SCN1A: variants seen among roughly 807,000 people sequenced by gnomAD.
The protein encoded by SCN1A is sodium voltage-gated channel alpha subunit 1.
SCN1A carries 13 observed loss-of-function variants against 193.7 expected under a neutral mutation model. That is an observed-to-expected ratio of 0.07 (90% confidence interval 0.04 to 0.11). SCN1A has a LOEUF of 0.11. Ranked by LOEUF, SCN1A falls within the 10% of genes least tolerant of loss-of-function variation. The pLI is 1.00. For missense variants in SCN1A, 1,432 were observed against 2,451.1 expected (o/e 0.58, Z 8.78); for synonymous variants, 781 against 843.6 (o/e 0.93, Z 1.29).
intron 23 of SCN1A, among the ~76,000 whole-genome samples, chr2:166,009,191 C>T (rs1452845642): frequency 1.3e-5 from 2 of 151,014 alleles, no homozygotes; most frequent in African/African-American, 4.8e-5. Flanking sequence ...TCAGTCAACA[C>T]TTAATATCTA....
upstream of SCN1A, among the ~76,000 whole-genome samples, chr2:166,132,163 G>A (rs141250024): frequency 1.8e-4 from 27 of 152,220 alleles, no homozygotes; most frequent in South Asian, 3.7e-3. Context: ...TGATGAAGTC[G>A]GGGAGTGATC....
chr2:166,047,965 C>T (rs1360963437), intron 10 of SCN1A, among the ~76,000 whole-genome samples, 197 bp from the exon 11 acceptor site: 3 of 152,032 alleles, frequency 2.0e-5, no homozygotes, highest in Non-Finnish European at 4.4e-5. Flanking sequence ...AAATATGGTG[C>T]AGCATTTCTA....
chr2:165,998,273 T>G, intron 25 of SCN1A, 98 bp from the exon 26 acceptor site: 1 of 1,036,932 alleles, frequency 9.6e-7, no homozygotes, highest in Admixed American at 2.3e-5. Context: ...TTATTCTTAC[T>G]AATATGTCAG....
chr2:166,088,024 G>A (rs886715804), intron 2 of SCN1A, among the ~76,000 whole-genome samples: 1 of 151,548 alleles, frequency 6.6e-6, no homozygotes, highest in Non-Finnish European at 1.5e-5. Flanking sequence ...TTTGAAAACT[G>A]AACATCTCTG....
intron 3 of SCN1A, among the ~76,000 whole-genome samples, chr2:166,077,379 A>G (rs915220566): frequency 2.6e-5 from 4 of 151,912 alleles, no homozygotes; most frequent in Non-Finnish European, 4.4e-5. Context: ...AAAATGAACA[A>G]TCTGAATAAA....
chr2:165,995,369 TGGG>T (rs1689875807), intron 27 of SCN1A, among the ~76,000 whole-genome samples: 9 of 151,812 alleles, frequency 5.9e-5, no homozygotes, highest in Non-Finnish European at 1.0e-4. Flanking sequence ...ATTTATAGTG[TGGG>T]ATAATAGCTG....
intron 4 of SCN1A, chr2:166,059,529 G>C (rs1683057566): frequency 6.6e-6 from 1 of 152,108 alleles, no homozygotes. Flanking sequence ...CAACATGTAA[G>C]GGTATAAAAA....
At chr2:166,147,067 C>T (rs1692353415) in intron 1 of SCN1A, among the ~76,000 whole-genome samples, 2 of 126,000 alleles carry the variant, frequency 1.6e-5, no homozygotes, top group Admixed American at 1.7e-4. Flanking sequence ...TACACAAACA[C>T]AGATTGCCAG....
rs76577172 is a variant in SCN1A, at chr2:166,026,153, G to A, written c.3429+9895C>T. On this transcript the variant is annotated intron_variant, in intron 19 of 28. Transcript: ENST00000674923. ...GAACCCTTGAAAATAAAAATTTTCT[G>A]TAAATATGTTTTTTGAGATAATATA... Among the ~76,000 whole-genome samples the A allele has an allele frequency of 5.9e-4, 90 of 152,008 alleles. 2 individuals are homozygous for A. In the East Asian group the frequency reaches 0.014, roughly 24 times the overall value.
In SCN1A at chr2:166,045,233, G is replaced by A; in HGVS notation, c.1472C>T (p.Ser491Phe). 1 of 1,613,970 alleles carries A rather than the reference G, an allele frequency of 6.2e-7. No individual in the cohort carries two copies. The highest frequency in any genetic ancestry group is 8.5e-7 in the Non-Finnish European group (1 of 1,179,996). Residue 491 changes from serine to phenylalanine, a missense_variant, in exon 13 of 29, where the codon TCC (serine) becomes TTC (phenylalanine). Ser to Phe is a radical substitution (Grantham distance 155). Around this residue, in one of 18 missense-constraint regions of SCN1A, gnomAD observed 316 missense variants for 362.1 expected, o/e 0.87. Transcript: ENST00000674923. ...ATTTCTTCTTTCCTTAGCACTCTTG[G>A]AACTCAACTTAGAGGCTTCAGATGA... ...DSSSEASKLS[S>F]KSAKERRNRR...
chr2:165,987,784 TATG>T lies in SCN1A; in HGVS notation c.*3458_*3460del, dbSNP rs1234055982. On this transcript the variant is annotated 3_prime_UTR_variant, in exon 29 of 29. Transcript: ENST00000674923. ...ATTTCAAAATGAATATGGAGATTTATATGATTATGTTTTACCAGTTCTTCTCTT... is the reference window on the plus strand; with the variant it reads ...ATTTCAAAATGAATATGGAGATTTATATTATGTTTTACCAGTTCTTCTCTT... 6.6e-6 allele frequency: 1 copy of T among 152,186 alleles called. No individual in the cohort carries two copies. The highest frequency in any genetic ancestry group is 1.5e-5 in the Non-Finnish European group (1 of 68,038). 9.4% of individuals were successfully genotyped at this position (152,186 alleles called of 1,614,324 possible). A position where few individuals can be genotyped will look rare whatever the true frequency, so the allele number is the denominator to read the frequency against.
chr2:166,121,780 G>A (rs1035162353), intron 2 of SCN1A, among the ~76,000 whole-genome samples: 2 of 152,146 alleles, frequency 1.3e-5, no homozygotes, highest in African/African-American at 4.8e-5. Flanking sequence ...ACAACTGTTA[G>A]AGGCTGAATT....
chr2:166,015,661 GTTC>G lies in SCN1A; in HGVS notation c.3493_3495del (p.Glu1165del), dbSNP rs1559152884. ...GTTTCTTCAGGTTCCACTACGGGCT[GTTC>G]TTCTACAGGTGCGCCGATGTCCACA... On this transcript the variant is annotated inframe_deletion, in exon 20 of 29. Transcript: ENST00000674923. The G allele has an allele frequency of 2.5e-6, 4 of 1,612,970 alleles. No individual in the cohort carries two copies. The highest frequency in any genetic ancestry group is 1.7e-5 in the Admixed American group (1 of 59,964).
intron 19 of SCN1A, among the ~76,000 whole-genome samples, chr2:166,024,621 T>C (rs1694498650): frequency 6.6e-6 from 1 of 152,198 alleles, no homozygotes; most frequent in African/African-American, 2.4e-5. Flanking sequence ...TTCTTAAGGT[T>C]TGTCTTCCAG....
chr2:166,036,145 A>G lies in SCN1A; in HGVS notation c.3332T>C (p.Leu1111Pro), dbSNP rs1366438174. The change falls in exon 19 of 29, where the codon CTT (leucine) becomes CCT (proline). Residue 1111 changes from leucine (L) to proline (P), a missense_variant. Physicochemically the swap from Leu to Pro is moderately conservative, Grantham distance 98. Transcript: ENST00000674923. ...TACAGCAATTGGTACAGTCACAGTA[A>G]GACTGGGGTTGTTTATGAATGACAT... The part of the protein sequence containing the change: ...DYMSFINNPS[L>P]TVTVPIAVGE... 1.9e-6 allele frequency: 3 copies of G among 1,613,900 alleles called. No homozygotes were observed. The highest frequency in any genetic ancestry group is 2.7e-5 in the African/African-American group (2 of 74,914).
At position 165,994,263 on chromosome 2, in the gene SCN1A, C is replaced by T. The variant is rs376916945; in HGVS notation, c.4735G>A (p.Val1579Met). ...VTTILSRINL[V>M]FIVLFTGECV... ...TCTCCAGTAAATAGCACAATGAACA[C>T]CAGATTGATGCGTGACAAAATGGTA... Residue 1579 changes from valine to methionine, a missense_variant, in exon 28 of 29, where the codon GTG (valine) becomes ATG (methionine). Val to Met is a conservative substitution (Grantham distance 21, BLOSUM62 1). Coordinates refer to ENST00000674923, the MANE Select transcript of SCN1A (RefSeq NM_001165963.4). The T allele has an allele frequency of 1.9e-6, 3 of 1,613,044 alleles. No homozygotes were observed. The highest frequency in any genetic ancestry group is 2.5e-6 in the Non-Finnish European group (3 of 1,179,516).
intron 19 of SCN1A, chr2:166,015,952 A>G (rs913627367): frequency 5.8e-6 from 3 of 516,592 alleles, no homozygotes; most frequent in South Asian, 2.0e-5. Context: ...TTGCTATGTT[A>G]TGAGGTTACA....
chr2:166,020,921 C>A (rs780169079), intron 19 of SCN1A, among the ~76,000 whole-genome samples: 2 of 152,174 alleles, frequency 1.3e-5, no homozygotes, highest in East Asian at 1.9e-4. Flanking sequence ...CATGCTGGAA[C>A]AAGGCACCTA....
At chr2:166,068,247 T>TTC (rs1684052021) in intron 4 of SCN1A, among the ~76,000 whole-genome samples, 1 of 152,216 alleles carries the variant, frequency 6.6e-6, no homozygotes. Context: ...TTGGAAACTT[T>TTC]CAGTTGAAGG....
Sources: allele counts gnomAD v4.1 joint callset (sites outside exome capture counted in the v4.1 genomes callset), GRCh38; gene constraint gnomAD v4.1.1; regional missense constraint gnomAD v4.1.1; transcripts MANE v1.5; gene names NCBI Gene and HGNC (gene_info 2026-07-23, HGNC 2026-07-21).